The following TACC2 variants were observed in gnomAD, a reference collection of about 807,000 sequenced individuals.
TACC2 encodes transforming acidic coiled-coil containing protein 2, also known as transforming acidic coiled-coil-containing protein 2.
In TACC2, 137 loss-of-function variants were observed where a neutral mutation model predicts 227.3. The observed-to-expected ratio is 0.60, with a 90% CI of 0.52 to 0.69. TACC2 has a LOEUF of 0.69. Among genes scored for constraint, TACC2 ranks in the 30% least tolerant of loss-of-function variants. The pLI, the probability that TACC2 is intolerant of heterozygous loss-of-function variation, is 0.00. For missense variants in TACC2, 3,470 were observed against 3,694.4 expected, an observed-to-expected ratio of 0.94 and a Z score of 1.57; for synonymous variants, 1,523 against 1,487.5, an observed-to-expected ratio of 1.02 and a Z score of -0.55.
At chr10:122,123,634 A>G (rs1047344830) in intron 5 of TACC2, among the ~76,000 whole-genome samples, 6 of 152,066 alleles carry the variant, frequency 3.9e-5, no homozygotes, top group Non-Finnish European at 8.8e-5. Flanking sequence ...ATGAAAATGC[A>G]GATCTTGGAA....
chr10:122,190,902 A>G (rs887253168), intron 7 of TACC2, among the ~76,000 whole-genome samples: 4 of 152,214 alleles, frequency 2.6e-5, no homozygotes, highest in African/African-American at 9.6e-5. Flanking sequence ...TACATATCGT[A>G]AAATGCTATT....
chr10:122,122,967 A>G (rs772526050), intron 5 of TACC2, among the ~76,000 whole-genome samples: 6 of 152,202 alleles, frequency 3.9e-5, no homozygotes, highest in Non-Finnish European at 8.8e-5. Context: ...TCTCAGGGCC[A>G]TAGTTTCTCC....
intron 3 of TACC2, among the ~76,000 whole-genome samples, chr10:122,068,783 C>T (rs2077674464): frequency 6.6e-6 from 1 of 151,796 alleles, no homozygotes; most frequent in East Asian, 1.9e-4. Flanking sequence ...CCTGTCTCAG[C>T]CTCCTGAGTA....
chr10:122,110,843 T>G (rs568036870), intron 5 of TACC2, among the ~76,000 whole-genome samples: 1 of 152,338 alleles, frequency 6.6e-6, no homozygotes, highest in African/African-American at 2.4e-5. Flanking sequence ...TACTAGGAGC[T>G]GTGTAGGTGA....
At chr10:121,994,672 G>C (rs193133228) in intron 1 of TACC2, 3 of 152,710 alleles carry the variant, frequency 2.0e-5, no homozygotes, top group African/African-American at 7.2e-5. Context: ...GCCTTCTCCC[G>C]CTTCTCTCCT....
intron 7 of TACC2, among the ~76,000 whole-genome samples, chr10:122,184,781 A>G (rs1248857966): frequency 6.6e-6 from 1 of 152,224 alleles, no homozygotes; most frequent in Non-Finnish European, 1.5e-5. Context: ...CATATTATAT[A>G]CACATTTCTT....
intron 5 of TACC2, among the ~76,000 whole-genome samples, chr10:122,115,142 A>G (rs1021825865): frequency 6.6e-6 from 1 of 152,126 alleles, no homozygotes; most frequent in Non-Finnish European, 1.5e-5. Flanking sequence ...TTTTATGGAG[A>G]CAGACACTGC....
chr10:122,251,689 G>T (rs1022468981), intron 22 of TACC2, among the ~76,000 whole-genome samples: 5 of 152,174 alleles, frequency 3.3e-5, no homozygotes, highest in African/African-American at 1.2e-4. Flanking sequence ...TGCAGCCTGG[G>T]CAACACAGCA....
intron 9 of TACC2, among the ~76,000 whole-genome samples, chr10:122,214,262 T>C (rs1055211829): frequency 5.3e-5 from 8 of 152,244 alleles, no homozygotes; most frequent in Non-Finnish European, 1.0e-4. Context: ...TGGTTATATA[T>C]TTATATGCAT....
chr10:122,250,092 GC>G (rs1279161736), intron 22 of TACC2, among the ~76,000 whole-genome samples: 2 of 152,202 alleles, frequency 1.3e-5, no homozygotes, highest in Non-Finnish European at 2.9e-5. Flanking sequence ...CGCCCAGGTG[GC>G]CTCTAATTCC....
chr10:122,183,911 C>A (rs2094075285), intron 7 of TACC2, among the ~76,000 whole-genome samples: 1 of 152,174 alleles, frequency 6.6e-6, no homozygotes, highest in Non-Finnish European at 1.5e-5. Context: ...AGGACTTGAG[C>A]ATCTTGAGAG....
At chr10:122,175,492 G>A (rs2093655230) in intron 7 of TACC2, among the ~76,000 whole-genome samples, 1 of 152,162 alleles carries the variant, frequency 6.6e-6, no homozygotes, top group Non-Finnish European at 1.5e-5. Context: ...TGCAGTTTCT[G>A]TTCTTTGTGC....
intron 5 of TACC2, among the ~76,000 whole-genome samples, chr10:122,113,384 G>A (rs2084003792): frequency 6.6e-6 from 1 of 152,232 alleles, no homozygotes; most frequent in African/African-American, 2.4e-5. Context: ...GTGGCTAACT[G>A]CACATTCGGT....
intron 5 of TACC2, among the ~76,000 whole-genome samples, chr10:122,106,456 G>A (rs967666392): frequency 6.6e-6 from 1 of 152,180 alleles, no homozygotes; most frequent in Non-Finnish European, 1.5e-5. Context: ...TTTCTAGCCT[G>A]GCTTCTCATT....
At chr10:122,006,831 A>T (rs1013238679) in intron 1 of TACC2, among the ~76,000 whole-genome samples, 2 of 143,168 alleles carry the variant, frequency 1.4e-5, no homozygotes, top group East Asian at 2.0e-4. Context: ...TCTTTATGCC[A>T]TTTCTTATCC....
At chr10:122,126,444 T>C (rs978734419) in intron 5 of TACC2, among the ~76,000 whole-genome samples, 1 of 151,910 alleles carries the variant, frequency 6.6e-6, no homozygotes, top group Non-Finnish European at 1.5e-5. Flanking sequence ...AGTAGGTACG[T>C]GTATGTACAC....
At chr10:122,119,115 TA>T (rs2138327662) in intron 5 of TACC2, among the ~76,000 whole-genome samples, 1 of 152,354 alleles carries the variant, frequency 6.6e-6, no homozygotes, top group South Asian at 2.1e-4. Flanking sequence ...CTGTATCCAT[TA>T]AACAACAATT....
chr10:122,192,216 A>G (rs1237948969), intron 7 of TACC2, among the ~76,000 whole-genome samples: 4 of 152,198 alleles, frequency 2.6e-5, no homozygotes, highest in Non-Finnish European at 5.9e-5. Context: ...TAAACAGGCA[A>G]GGGACCACAA....
rs749174067 is a variant in TACC2, at chr10:122,143,572, C to T, written c.5700C>T (p.Ser1900=). Residue 1900 remains serine, a splice_region_variant and synonymous_variant, in exon 7 of 23, where the codon AGC becomes AGT. Transcript: ENST00000369005. The part of the protein sequence containing the change: ...GQVSTDLIAQ[S]ISPAAAHAGL... The stretch of plus-strand genomic sequence containing the variant: ...AATAATTCCCTCATTGTGTCCCCAG[C>T]ATCTCCCCAGCTGCTGCCCATGCGG... The T allele has an allele frequency of 1.2e-6, 2 of 1,613,796 alleles. No homozygotes were observed. Among genetic ancestry groups the T allele is most frequent in the Non-Finnish European group, 8.5e-7 (1 of 1,179,784 alleles).
Sources: allele counts gnomAD v4.1 joint callset (sites outside exome capture counted in the v4.1 genomes callset), GRCh38; gene constraint gnomAD v4.1.1; transcripts MANE v1.5; gene names NCBI Gene and HGNC (gene_info 2026-07-23, HGNC 2026-07-21).